The following DET1 variants were observed in gnomAD, a reference collection of about 807,000 sequenced individuals.
The protein encoded by DET1 is DET1 homolog.
A neutral mutation model predicts 43.7 loss-of-function variants in DET1; 22 were observed. That is an observed-to-expected ratio of 0.50 (90% confidence interval 0.36 to 0.72). The LOEUF (loss-of-function observed/expected upper bound fraction) is 0.72, where lower values mean the gene tolerates loss of function less well. DET1 is among the 30% of genes least tolerant of loss of function. The pLI is 0.00. For synonymous variants in DET1, 315 were observed against 266.2 expected (o/e 1.18, Z -1.79); for missense variants, 713 against 713.3 (o/e 1.00, Z 0.00).
At chr15:88,505,578 A>C (rs1166633567) in intron 7 of DET1, 1 of 152,222 alleles carries the variant, frequency 6.6e-6, no homozygotes, top group Non-Finnish European at 1.5e-5. Context: ...AATGCACATT[A>C]CTCAACAAAA....
intron 3 of DET1, 75 bp downstream of exon 3, chr15:88,527,524 C>T (rs901696252): frequency 2.2e-6 from 3 of 1,380,028 alleles, no homozygotes; most frequent in Admixed American, 2.5e-5. Flanking sequence ...TAAGAGGTTT[C>T]CTAGAGACAA....
At chr15:88,513,867 T>C (rs1227150028) in intron 4 of DET1, among the ~76,000 whole-genome samples, 33 of 137,604 alleles carry the variant, frequency 2.4e-4, no homozygotes, top group Admixed American at 1.1e-3. Context: ...TGGCGCGATC[T>C]CGGCTCACTG....
chr15:88,511,386 A>T, downstream of DET1: 5 of 948,660 alleles, frequency 5.3e-6, no homozygotes, highest in Non-Finnish European at 5.0e-6. Context: ...CACATTTCCC[A>T]TCTCCCTCAC....
rs545580283 is a variant in DET1, at chr15:88,515,369, G to A, written c.1463+1413C>T. Among the ~76,000 whole-genome samples, 17 of 151,620 alleles carry A rather than the reference G, an allele frequency of 1.1e-4. No homozygotes were observed. In the East Asian group the frequency reaches 1.9e-3, roughly 17 times the overall value. ...AGCCTGGCCAACATGGTGAAACCCC[G>A]TCTCTACAAAAATACAAAAATTAGC... On this transcript the variant is annotated intron_variant, in intron 4 of 4. Transcript: ENST00000268148.
chr15:88,536,687 C>T (rs1438918273), intron 1 of DET1, among the ~76,000 whole-genome samples: 2 of 147,652 alleles, frequency 1.4e-5, no homozygotes, highest in African/African-American at 2.5e-5. Flanking sequence ...AGGAGAACTG[C>T]TTGAACCCGG....
At chr15:88,532,028 G>A (rs529253578) in intron 1 of DET1, 54 of 215,578 alleles carry the variant, frequency 2.5e-4, no homozygotes, top group Non-Finnish European at 3.7e-4. Context: ...TCGGCTGGGC[G>A]CAGTGGCTCA....
At chr15:88,510,759 GT>G (rs796792971), downstream of DET1, among the ~76,000 whole-genome samples, 92 of 135,578 alleles carry the variant, frequency 6.8e-4, no homozygotes, top group South Asian at 3.3e-3. Context: ...TTGTTGTTTT[GT>G]TTTTTTTTTT....
Position 88,516,036 on chromosome 15 carries a change from A to C in DET1, c.1463+746T>G, listed in dbSNP as rs1192445914. ...ACTATGTCACACAGGCACATTTAATACACAATGAGACTGGATGATGAAATA... is the reference window on the plus strand; with the variant it reads ...ACTATGTCACACAGGCACATTTAATCCACAATGAGACTGGATGATGAAATA... On this transcript the variant is annotated intron_variant, in intron 4 of 4. Coordinates refer to ENST00000268148, the MANE Select transcript of DET1 (RefSeq NM_001144074.3). The surrounding 1 kb of genome is among the most constrained non-coding windows in gnomAD (Gnocchi z 4.4). Among the ~76,000 whole-genome samples the C allele has an allele frequency of 6.6e-6, 1 of 152,258 alleles. No individual in the cohort carries two copies. Among genetic ancestry groups the C allele is most frequent in the East Asian group, 1.9e-4 (1 of 5,206 alleles).
chr15:88,510,251 T>C (rs116524435), downstream of DET1, among the ~76,000 whole-genome samples: 830 of 152,210 alleles, frequency 5.5e-3, 10 homozygotes, highest in African/African-American at 0.019. Flanking sequence ...TAAGATAGGA[T>C]CAATGGAATG....
intron 1 of DET1, among the ~76,000 whole-genome samples, chr15:88,538,744 G>T (rs1386782129): frequency 6.6e-6 from 1 of 152,168 alleles, no homozygotes; most frequent in Non-Finnish European, 1.5e-5. Context: ...ACCACCTGAG[G>T]AAAGAATTTT....
Position 88,512,660 on chromosome 15 carries a change from C to T in DET1, c.*291G>A. 1.7e-6 allele frequency: 2 copies of T among 1,150,274 alleles called. No homozygotes were observed. Among genetic ancestry groups the T allele is most frequent in the Non-Finnish European group, 2.1e-6 (2 of 935,034 alleles). 71.3% of individuals were successfully genotyped at this position (1,150,274 alleles called of 1,614,324 possible). The stretch of plus-strand genomic sequence containing the variant: ...TAAAAGTCTAATGCTTTCATCTTCA[C>T]AGCAATCAAATGCAAAGTAAAGCAA... On this transcript the variant is annotated 3_prime_UTR_variant, in exon 5 of 5. Coordinates refer to ENST00000268148, the MANE Select transcript of DET1 (RefSeq NM_001144074.3).
rs55764530 is a variant in DET1 at position 88,522,512 on chromosome 15, G to GTTTTTTTTT, written c.1271+5078_1271+5086dup. Among the ~76,000 whole-genome samples the GTTTTTTTTT allele has an allele frequency of 2.2e-4, 18 of 80,284 alleles. 4 individuals are homozygous for GTTTTTTTTT. The highest frequency in any genetic ancestry group is 6.1e-4 in the Admixed American group (4 of 6,542). The allele number at this position is 80,284 out of a possible 152,430, so 52.7% of individuals were successfully genotyped here. ...TCTCATTGTTCTAGGAATGTTCCTGGTTTTTTTTTTTTTTTGAGTTGGAGT... is the reference window on the plus strand; with the variant it reads ...TCTCATTGTTCTAGGAATGTTCCTGGTTTTTTTTTTTTTTTTTTTTTTTTGAGTTGGAGT... On this transcript the variant is annotated intron_variant, in intron 3 of 4. Coordinates refer to ENST00000268148, the MANE Select transcript of DET1 (RefSeq NM_001144074.3).
At chr15:88,522,815 C>G (rs549446313) in intron 3 of DET1, among the ~76,000 whole-genome samples, 15 of 150,998 alleles carry the variant, frequency 9.9e-5, no homozygotes, top group Non-Finnish European at 1.8e-4. Context: ...ACCGCGCACC[C>G]GGCTGGAATG....
intron 4 of DET1, among the ~76,000 whole-genome samples, 196 bp from the exon 5 acceptor site, chr15:88,513,336 T>C (rs1478891194): frequency 3.3e-5 from 5 of 152,216 alleles, no homozygotes; most frequent in Admixed American, 1.3e-4. Flanking sequence ...GAAGAGTGAT[T>C]ATAAATTTTA....
intron 1 of DET1, among the ~76,000 whole-genome samples, chr15:88,541,665 G>C (rs902614168): frequency 3.3e-5 from 5 of 152,216 alleles, no homozygotes; most frequent in African/African-American, 1.2e-4. Context: ...GTGGCGGGTT[G>C]TTACTGGAAC....
At chr15:88,545,422 A>C (rs62023294) in intron 1 of DET1, among the ~76,000 whole-genome samples, 5,353 of 152,244 alleles carry the variant, frequency 0.035, 150 homozygotes, top group South Asian at 0.066. Context: ...CTTAGTCATA[A>C]AAGATACCCT....
intron 3 of DET1, among the ~76,000 whole-genome samples, chr15:88,526,937 G>A (rs2142296303): frequency 6.6e-6 from 1 of 152,218 alleles, no homozygotes; most frequent in African/African-American, 2.4e-5. Flanking sequence ...ATTTTCAGAG[G>A]CACCTGGGAC....
downstream of DET1, chr15:88,511,559 G>A: frequency 1.0e-6 from 1 of 985,234 alleles, no homozygotes; most frequent in South Asian, 4.7e-5. Context: ...TTCTTTTTCT[G>A]CCCTTCCTTC....
chr15:88,524,012 G>A (rs1191156472), intron 3 of DET1, among the ~76,000 whole-genome samples: 8 of 150,844 alleles, frequency 5.3e-5, no homozygotes, highest in South Asian at 2.1e-4. Context: ...CTTCCCAGCC[G>A]CCATCACATC....
Sources: gnomAD v4.1 joint callset for allele counts (sites outside exome capture counted in the v4.1 genomes callset) on GRCh38, gnomAD v4.1.1 for gene constraint, Gnocchi (gnomAD v3.1) non-coding constraint, MANE v1.5 for transcripts, NCBI Gene and HGNC (gene_info 2026-07-23, HGNC 2026-07-21) for gene names.